The following AKAP19 variants were observed in gnomAD, a reference collection of about 807,000 sequenced individuals.
AKAP19 encodes A-kinase anchoring protein 19.
chr2:189,899,919 G>C, the AKAP19 span, among the ~76,000 whole-genome samples: 2 of 151,986 alleles, frequency 1.3e-5, no homozygotes, highest in African/African-American at 4.8e-5. Flanking sequence ...TCCCTACCTA[G>C]ATACAATTTC....
At chr2:189,921,274 C>A in the AKAP19 span, among the ~76,000 whole-genome samples, 1 of 151,996 alleles carries the variant, frequency 6.6e-6, no homozygotes, top group Non-Finnish European at 1.5e-5. Context: ...AAATAGTTAA[C>A]AAGAAAAGTC....
chr2:189,909,541 G>A, the AKAP19 span, among the ~76,000 whole-genome samples: 1 of 151,730 alleles, frequency 6.6e-6, no homozygotes, highest in Non-Finnish European at 1.5e-5. Context: ...TTGCTTTGTG[G>A]TTACAATGAG....
chr2:190,029,480 G>A, the AKAP19 span, among the ~76,000 whole-genome samples: 3 of 152,178 alleles, frequency 2.0e-5, no homozygotes, highest in African/African-American at 7.2e-5. Context: ...ATTAAATGAT[G>A]TAGATCTATA....
At chr2:190,018,955 A>T in the AKAP19 span, among the ~76,000 whole-genome samples, 1 of 152,222 alleles carries the variant, frequency 6.6e-6, no homozygotes, top group African/African-American at 2.4e-5. Flanking sequence ...GGCAGAGCTG[A>T]TGGCTGGACA....
chr2:190,149,002 T>C, the AKAP19 span, among the ~76,000 whole-genome samples: 135,704 of 148,160 alleles, frequency 0.92, 62,992 homozygotes, highest in East Asian at 1. Flanking sequence ...TCACTCTTCT[T>C]GCCCAGGCTG....
the AKAP19 span, among the ~76,000 whole-genome samples, chr2:190,006,913 T>C: frequency 6.6e-6 from 1 of 151,440 alleles, no homozygotes; most frequent in Non-Finnish European, 1.5e-5. Flanking sequence ...CCAGATACTC[T>C]GGAGGCTGAG....
the AKAP19 span, among the ~76,000 whole-genome samples, chr2:190,041,404 G>A: frequency 6.6e-6 from 1 of 152,100 alleles, no homozygotes; most frequent in Non-Finnish European, 1.5e-5. Context: ...TTATCAGCTG[G>A]AGGAGCTTTT....
chr2:189,990,293 C>G, the AKAP19 span, among the ~76,000 whole-genome samples: 1 of 152,206 alleles, frequency 6.6e-6, no homozygotes, highest in Non-Finnish European at 1.5e-5. Context: ...ATTGAGGACA[C>G]TTTCTTTATT....
At chr2:189,981,023 A>G in the AKAP19 span, among the ~76,000 whole-genome samples, 15 of 152,146 alleles carry the variant, frequency 9.9e-5, no homozygotes, top group Non-Finnish European at 2.1e-4. Flanking sequence ...TATTCTGTAG[A>G]TGTTTGTTAG....
At chr2:190,188,473 C>T in the AKAP19 span, among the ~76,000 whole-genome samples, 3 of 152,212 alleles carry the variant, frequency 2.0e-5, no homozygotes, top group Non-Finnish European at 4.4e-5. Context: ...CCCAACCTGA[C>T]AAATGAATAA....
chr2:189,882,341 T>G, the AKAP19 span, among the ~76,000 whole-genome samples: 2 of 152,200 alleles, frequency 1.3e-5, no homozygotes, highest in Non-Finnish European at 2.9e-5. Flanking sequence ...AGGTTAAGGA[T>G]ACACTTGTGA....
chr2:189,900,808 G>A, the AKAP19 span, among the ~76,000 whole-genome samples: 1 of 152,152 alleles, frequency 6.6e-6, no homozygotes, highest in East Asian at 1.9e-4. Context: ...CGTTGCAAGG[G>A]CAGTGGGCAA....
the AKAP19 span, among the ~76,000 whole-genome samples, chr2:189,937,989 C>A: frequency 6.6e-6 from 1 of 152,094 alleles, no homozygotes; most frequent in Admixed American, 6.6e-5. Flanking sequence ...TTCATAATAG[C>A]CAAGATTTAG....
the AKAP19 span, chr2:190,089,428 C>T: frequency 6.6e-6 from 1 of 151,840 alleles, no homozygotes; most frequent in Non-Finnish European, 1.5e-5. Flanking sequence ...AAACAAAACA[C>T]AAAATTCAGT....
the AKAP19 span, among the ~76,000 whole-genome samples, chr2:189,939,970 C>T: frequency 6.6e-6 from 1 of 152,064 alleles, no homozygotes; most frequent in Non-Finnish European, 1.5e-5. Context: ...CAAGGCAAAA[C>T]CCCATCTCTA....
the AKAP19 span, among the ~76,000 whole-genome samples, chr2:189,896,465 G>A: frequency 3.3e-5 from 5 of 151,668 alleles, no homozygotes; most frequent in South Asian, 2.1e-4. Flanking sequence ...ACTTTTTCCC[G>A]CGTTCCATAT....
At chr2:190,185,206 G>T in the AKAP19 span, among the ~76,000 whole-genome samples, 1 of 152,310 alleles carries the variant, frequency 6.6e-6, no homozygotes, top group South Asian at 2.1e-4. Flanking sequence ...GTTCTAAAAT[G>T]AAGTGGTTTT....
the AKAP19 span, among the ~76,000 whole-genome samples, chr2:190,076,258 G>C: frequency 6.6e-6 from 1 of 152,168 alleles, no homozygotes; most frequent in Non-Finnish European, 1.5e-5. Flanking sequence ...GCTGTGTATT[G>C]TAAGGTGTTT....
chr2:190,048,996 G>C, the AKAP19 span, among the ~76,000 whole-genome samples: 2 of 152,038 alleles, frequency 1.3e-5, no homozygotes, highest in African/African-American at 2.4e-5. Context: ...TCCTCACATA[G>C]AGGAGTAGGC....
Sources: allele counts gnomAD v4.1 joint callset (sites outside exome capture counted in the v4.1 genomes callset), GRCh38; gene constraint gnomAD v4.1.1; transcripts MANE v1.5; gene names NCBI Gene and HGNC (gene_info 2026-07-23, HGNC 2026-07-21).